PPP1R1C: variants seen among roughly 807,000 people sequenced by gnomAD.
PPP1R1C encodes the protein protein phosphatase 1 regulatory inhibitor subunit 1C.
A neutral mutation model predicts 17.4 loss-of-function variants in PPP1R1C; 15 were observed. The observed-to-expected ratio is 0.86, with a 90% confidence interval of 0.58 to 1.33. The LOEUF is 1.33. Among genes scored for constraint, PPP1R1C ranks in the 40% most tolerant of loss-of-function variants. The pLI is 0.00. For missense variants in PPP1R1C, 143 were observed against 130.0 expected (o/e 1.10, Z -0.48); for synonymous variants, 35 against 43.1 (o/e 0.81, Z 0.73).
intron 4 of PPP1R1C, among the ~76,000 whole-genome samples, chr2:182,097,698 T>A (rs1358175096): frequency 6.6e-6 from 1 of 152,200 alleles, no homozygotes; most frequent in East Asian, 1.9e-4. Flanking sequence ...GTTGTGCATT[T>A]CTGTATCTTT....
intron 2 of PPP1R1C, among the ~76,000 whole-genome samples, chr2:182,040,225 C>T (rs1270958871): frequency 6.6e-6 from 1 of 152,184 alleles, no homozygotes; most frequent in Non-Finnish European, 1.5e-5. Flanking sequence ...TGAGAATACT[C>T]CATACTGTTT....
chr2:182,118,962 G>C (rs1406261695), downstream of PPP1R1C, among the ~76,000 whole-genome samples: 1 of 150,568 alleles, frequency 6.6e-6, no homozygotes, highest in Non-Finnish European at 1.5e-5. Context: ...ATGCAGGTTT[G>C]TTACATATGT....
At chr2:182,036,659 C>T (rs1266204237) in intron 2 of PPP1R1C, among the ~76,000 whole-genome samples, 3 of 152,016 alleles carry the variant, frequency 2.0e-5, no homozygotes, top group Non-Finnish European at 4.4e-5. Context: ...ATTATTATAA[C>T]TTAACCTGAT....
chr2:182,095,477 T>C (rs116590979), intron 4 of PPP1R1C, among the ~76,000 whole-genome samples: 2,273 of 152,314 alleles, frequency 0.015, 32 homozygotes, highest in South Asian at 0.057. Flanking sequence ...CCATTCATTA[T>C]TGTATCCCTA....
intron 4 of PPP1R1C, among the ~76,000 whole-genome samples, chr2:182,071,096 G>A (rs1296003222): frequency 1.3e-5 from 2 of 152,048 alleles, no homozygotes; most frequent in Admixed American, 1.3e-4. Flanking sequence ...ACAGATCCAT[G>A]CCTTATCAAT....
intron 2 of PPP1R1C, among the ~76,000 whole-genome samples, chr2:182,031,370 A>G (rs1317489326): frequency 2.0e-5 from 3 of 152,234 alleles, no homozygotes; most frequent in African/African-American, 7.2e-5. Flanking sequence ...CTTGAATTTT[A>G]AGAAGTGGAC....
At chr2:182,005,718 C>A (rs996023016) in intron 2 of PPP1R1C, among the ~76,000 whole-genome samples, 15 of 152,142 alleles carry the variant, frequency 9.9e-5, no homozygotes, top group African/African-American at 2.9e-4. Flanking sequence ...TTTTCTTATT[C>A]TCTTCAGTGC....
intron 5 of PPP1R1C, among the ~76,000 whole-genome samples, chr2:182,123,165 C>T (rs1475504964): frequency 6.6e-6 from 1 of 152,172 alleles, no homozygotes; most frequent in Non-Finnish European, 1.5e-5. Flanking sequence ...CATCCATGTG[C>T]CTGCAAAGGA....
chr2:182,030,368 G>T (rs1477505326), intron 2 of PPP1R1C, among the ~76,000 whole-genome samples: 131 of 151,998 alleles, frequency 8.6e-4, no homozygotes, highest in African/African-American at 2.7e-3. Context: ...TCTTTGATGA[G>T]GGTGATGTAC....
At chr2:182,045,231 A>G (rs1687308210) in intron 2 of PPP1R1C, among the ~76,000 whole-genome samples, 1 of 152,216 alleles carries the variant, frequency 6.6e-6, no homozygotes, top group Non-Finnish European at 1.5e-5. Context: ...ATCCAATTAC[A>G]CAGGTATTTA....
intron 2 of PPP1R1C, among the ~76,000 whole-genome samples, chr2:182,014,204 G>T (rs1272738331): frequency 6.6e-6 from 1 of 152,084 alleles, no homozygotes; most frequent in African/African-American, 2.4e-5. Flanking sequence ...GTATTGAAAG[G>T]GCATTGAGTG....
At chr2:182,053,037 A>G (rs1687572619) in intron 2 of PPP1R1C, among the ~76,000 whole-genome samples, 1 of 152,252 alleles carries the variant, frequency 6.6e-6, no homozygotes, top group Non-Finnish European at 1.5e-5. Flanking sequence ...TTTTGGAACC[A>G]AGAAAAACAG....
chr2:181,968,392 C>T (rs955374735), intron 1 of PPP1R1C, among the ~76,000 whole-genome samples: 1 of 152,102 alleles, frequency 6.6e-6, no homozygotes, highest in Non-Finnish European at 1.5e-5. Context: ...TGGGTTTATA[C>T]GTTTATAGTT....
intron 4 of PPP1R1C, among the ~76,000 whole-genome samples, chr2:182,068,559 G>C (rs547118296): frequency 6.6e-6 from 1 of 152,104 alleles, no homozygotes; most frequent in Non-Finnish European, 1.5e-5. Flanking sequence ...GCCTCAGGTC[G>C]GCGTGTGAAG....
chr2:182,122,077 G>C (rs975868180), downstream of PPP1R1C, among the ~76,000 whole-genome samples: 9 of 152,140 alleles, frequency 5.9e-5, no homozygotes, highest in Non-Finnish European at 1.3e-4. Context: ...TAAGTTAGGG[G>C]TTATTTTTCT....
chr2:181,996,305 T>C (rs1353720784), intron 2 of PPP1R1C, among the ~76,000 whole-genome samples: 1 of 151,994 alleles, frequency 6.6e-6, no homozygotes, highest in Non-Finnish European at 1.5e-5. Flanking sequence ...AGGCATGTCC[T>C]AAACAAATGT....
chr2:181,998,489 A>G (rs887533546), intron 2 of PPP1R1C, among the ~76,000 whole-genome samples: 1 of 152,246 alleles, frequency 6.6e-6, no homozygotes, highest in African/African-American at 2.4e-5. Flanking sequence ...TAATATACAC[A>G]TCATTCTCAT....
At chr2:182,034,088 A>G (rs968255942) in intron 2 of PPP1R1C, among the ~76,000 whole-genome samples, 4 of 152,200 alleles carry the variant, frequency 2.6e-5, no homozygotes, top group African/African-American at 7.2e-5. Context: ...GCACACCATA[A>G]TACATTTATT....
At chr2:182,001,362 G>A (rs1276881960) in intron 2 of PPP1R1C, among the ~76,000 whole-genome samples, 1 of 150,532 alleles carries the variant, frequency 6.6e-6, no homozygotes, top group East Asian at 1.9e-4. Context: ...TTTGTTTAAT[G>A]ACCAATTTTA....
Sources: allele counts gnomAD v4.1 joint callset (sites outside exome capture counted in the v4.1 genomes callset), GRCh38; gene constraint gnomAD v4.1.1; transcripts MANE v1.5; gene names NCBI Gene and HGNC (gene_info 2026-07-23, HGNC 2026-07-21).